Variants in CNTN4 observed in about 807,000 individuals in gnomAD.
CNTN4 encodes contactin-4.
A neutral mutation model predicts 122.5 loss-of-function variants in CNTN4; 77 were observed. That is an observed-to-expected ratio of 0.63 (90% CI 0.52 to 0.76). CNTN4 has a LOEUF of 0.76. Among genes scored for constraint, CNTN4 ranks in the 30% least tolerant of loss-of-function variants. The probability of loss-of-function intolerance (pLI) is 0.00; values close to 1 mark genes in which losing one functional copy is unlikely to be tolerated. For synonymous variants in CNTN4, 512 were observed against 447.0 expected (o/e 1.15, Z -1.83); for missense variants, 1,256 against 1,259.1 (o/e 1.00, Z 0.04).
At chr3:3,014,866 T>G (rs1301660394) in intron 14 of CNTN4, among the ~76,000 whole-genome samples, 2 of 140,414 alleles carry the variant, frequency 1.4e-5, no homozygotes, top group African/African-American at 2.7e-5. Flanking sequence ...TATACTTGCG[T>G]GACCCTCGAT....
At chr3:2,226,191 C>G (rs190513321) in intron 2 of CNTN4, among the ~76,000 whole-genome samples, 49 of 152,158 alleles carry the variant, frequency 3.2e-4, no homozygotes, top group Non-Finnish European at 5.9e-4. Context: ...GTTGCCATTA[C>G]ATTCTTACTT....
intron 3 of CNTN4, among the ~76,000 whole-genome samples, chr3:2,491,987 TA>T (rs1338482017): frequency 6.6e-6 from 1 of 152,182 alleles, no homozygotes; most frequent in Admixed American, 6.5e-5. Flanking sequence ...TTTTTTTAGT[TA>T]CCTGTGAATC....
intron 6 of CNTN4, among the ~76,000 whole-genome samples, chr3:2,773,171 G>A (rs1163884795): frequency 1.3e-5 from 2 of 152,010 alleles, no homozygotes; most frequent in African/African-American, 4.8e-5. Context: ...AGTAGAGAAA[G>A]CAAGGGTATA....
intron 3 of CNTN4, among the ~76,000 whole-genome samples, chr3:2,461,540 C>T (rs1258339900): frequency 6.6e-6 from 1 of 152,164 alleles, no homozygotes. Flanking sequence ...TGGTCTGATT[C>T]TAGAACCTGA....
chr3:2,343,345 C>G (rs188022028), intron 3 of CNTN4, among the ~76,000 whole-genome samples: 1 of 152,132 alleles, frequency 6.6e-6, no homozygotes, highest in Non-Finnish European at 1.5e-5. Context: ...ACACTGGTCA[C>G]GGGCCAAGTC....
At chr3:2,462,087 C>G (rs920753773) in intron 3 of CNTN4, among the ~76,000 whole-genome samples, 1 of 152,132 alleles carries the variant, frequency 6.6e-6, no homozygotes, top group Non-Finnish European at 1.5e-5. Flanking sequence ...CTCAAGTACA[C>G]AAGATAGACC....
intron 3 of CNTN4, among the ~76,000 whole-genome samples, chr3:2,483,635 T>A (rs2151604725): frequency 6.6e-6 from 1 of 152,274 alleles, no homozygotes; most frequent in Non-Finnish European, 1.5e-5. Context: ...ATTTCCCCAA[T>A]GCTGTTCTCA....
At chr3:2,684,084 C>A (rs2085307437) in intron 4 of CNTN4, among the ~76,000 whole-genome samples, 2 of 152,154 alleles carry the variant, frequency 1.3e-5, no homozygotes. Flanking sequence ...TCACCACTTT[C>A]CCTGCAATTC....
chr3:2,331,968 C>T (rs2043745074), intron 2 of CNTN4, among the ~76,000 whole-genome samples: 1 of 152,192 alleles, frequency 6.6e-6, no homozygotes, highest in South Asian at 2.1e-4. Flanking sequence ...CCCAACACCA[C>T]TGGCCTTTCT....
At position 2,988,380 on chromosome 3, in the gene CNTN4, T is replaced by C; in HGVS notation, c.1394T>C (p.Ile465Thr). Reference protein sequence around the residue: ...TISEDGNLRIINVTKSDAGSY... With the variant: ...TISEDGNLRITNVTKSDAGSY... ...TCTGAAGATGGAAACCTCAGAATCATCAACGTTACTAAATCAGACGCTGGG... is the reference window on the plus strand; with the variant it reads ...TCTGAAGATGGAAACCTCAGAATCACCAACGTTACTAAATCAGACGCTGGG... Residue 465 changes from isoleucine (I) to threonine (T), a missense_variant, in exon 14 of 25, where the codon ATC becomes ACC. Ile to Thr is a moderately conservative substitution (Grantham distance 89, BLOSUM62 -1). Transcript: ENST00000418658. The C allele has an allele frequency of 1.9e-6, 3 of 1,613,780 alleles. No homozygotes were observed. The highest frequency in any genetic ancestry group is 2.5e-6 in the Non-Finnish European group (3 of 1,179,776).
intron 3 of CNTN4, among the ~76,000 whole-genome samples, chr3:2,458,240 A>G (rs1322021372): frequency 5.3e-5 from 8 of 152,172 alleles, no homozygotes; most frequent in Admixed American, 5.2e-4. Flanking sequence ...ATTAAACCAA[A>G]TAGTAAAGTT....
chr3:2,312,337 C>T (rs1575344402), intron 2 of CNTN4, among the ~76,000 whole-genome samples: 1 of 152,064 alleles, frequency 6.6e-6, no homozygotes, highest in Non-Finnish European at 1.5e-5. Flanking sequence ...AAATAGTTTT[C>T]ATCCTCCTGA....
intron 2 of CNTN4, among the ~76,000 whole-genome samples, chr3:2,326,533 T>TA (rs1312217992): frequency 6.8e-6 from 1 of 146,010 alleles, no homozygotes; most frequent in Non-Finnish European, 1.5e-5. Context: ...CACACAATCT[T>TA]ACTGATTCTG....
chr3:2,814,684 T>G (rs2092688384), intron 6 of CNTN4, among the ~76,000 whole-genome samples: 2 of 152,210 alleles, frequency 1.3e-5, no homozygotes, highest in South Asian at 4.1e-4. Context: ...TCACTGACTT[T>G]ACGAAATCAG....
chr3:2,527,426 G>GCTGCTC (rs1478860915), intron 3 of CNTN4, among the ~76,000 whole-genome samples: 3 of 152,176 alleles, frequency 2.0e-5, no homozygotes, highest in Non-Finnish European at 2.9e-5. Flanking sequence ...TGCTGCTGCT[G>GCTGCTC]CTGCTGCTGT....
intron 3 of CNTN4, among the ~76,000 whole-genome samples, chr3:2,547,260 ATT>A (rs2078285515): frequency 2.7e-5 from 4 of 150,540 alleles, no homozygotes; most frequent in African/African-American, 4.9e-5. Context: ...TTATTTATTT[ATT>A]TATTTATTTA....
At chr3:2,152,066 G>A (rs2035515768) in intron 2 of CNTN4, among the ~76,000 whole-genome samples, 1 of 152,336 alleles carries the variant, frequency 6.6e-6, no homozygotes, top group Admixed American at 6.5e-5. Flanking sequence ...GAATAGGTGG[G>A]CTACAGTGTA....
chr3:2,435,828 A>AT (rs1451163352), intron 3 of CNTN4, among the ~76,000 whole-genome samples: 4 of 152,166 alleles, frequency 2.6e-5, no homozygotes. Context: ...AAATCATTTT[A>AT]TATCTATTTA....
At chr3:2,786,955 A>G (rs1408012203) in intron 6 of CNTN4, among the ~76,000 whole-genome samples, 3 of 152,174 alleles carry the variant, frequency 2.0e-5, no homozygotes, top group Non-Finnish European at 4.4e-5. Flanking sequence ...TCTATTTTTT[A>G]TTTGAACTAT....
Sources: gnomAD v4.1 joint callset for allele counts (sites outside exome capture counted in the v4.1 genomes callset) on GRCh38, gnomAD v4.1.1 for gene constraint, MANE v1.5 for transcripts, NCBI Gene and HGNC (gene_info 2026-07-23, HGNC 2026-07-21) for gene names.